LRRN1: variants seen among roughly 807,000 people sequenced by gnomAD.
LRRN1 encodes the protein leucine rich repeat neuronal 1, also known as leucine-rich repeat neuronal protein 1.
Under a neutral mutation model 45.8 loss-of-function variants are expected in LRRN1, and 14 were observed. That is an observed-to-expected ratio of 0.31 (90% CI 0.20 to 0.48). The LOEUF (loss-of-function observed/expected upper bound fraction) is 0.48, where lower values mean the gene tolerates loss of function less well. Among genes scored for constraint, LRRN1 ranks in the 20% least tolerant of loss-of-function variants. The pLI is 0.99. For missense variants in LRRN1, 789 were observed against 874.2 expected, an observed-to-expected ratio of 0.90 and a Z score of 1.23; for synonymous variants, 359 against 330.1, an observed-to-expected ratio of 1.09 and a Z score of -0.95.
chr3:3,849,114 A>G lies in LRRN1; in HGVS notation c.*2322A>G, dbSNP rs1157824365. On this transcript the variant is annotated 3_prime_UTR_variant, in exon 2 of 2. Transcript: ENST00000319331. ...CCATGAAAATGGATGGCACTGATGC[A>G]TTAGACCCTCAGCAGCCTGCAATTG... Among the ~76,000 whole-genome samples the G allele has an allele frequency of 6.6e-6, 1 of 152,234 alleles. No individual in the cohort carries two copies. The highest frequency in any genetic ancestry group is 6.5e-5 in the Admixed American group (1 of 15,278).
chr3:3,805,571 A>G (rs958159272), intron 1 of LRRN1, among the ~76,000 whole-genome samples: 3 of 152,200 alleles, frequency 2.0e-5, no homozygotes, highest in Non-Finnish European at 4.4e-5. Flanking sequence ...TTTCAATATC[A>G]CCAGTGCGAA....
chr3:3,827,515 A>G (rs770812484), intron 1 of LRRN1: 1 of 456,410 alleles, frequency 2.2e-6, no homozygotes, highest in Non-Finnish European at 4.4e-6. Context: ...AAACTCTGTA[A>G]GGCAAGAAGG....
In LRRN1 at chr3:3,845,209, A is replaced by G. The variant is rs995848565; in HGVS notation, c.568A>G (p.Thr190Ala). Residue 190 changes from threonine to alanine, a missense_variant, in exon 2 of 2, where the codon ACA becomes GCA. Physicochemically the swap from Thr to Ala is moderately conservative, Grantham distance 58 (BLOSUM62 0). Coordinates refer to ENST00000319331, the MANE Select transcript of LRRN1 (RefSeq NM_020873.7). This position sits in a 1 kb window ranked among gnomAD's most constrained non-coding sequence, Gnocchi z 6.5. ...KVIDSRWFDS[T>A]PNLEILMIGE... ...TATTGATAGTCGCTGGTTTGATTCT[A>G]CACCCAACCTGGAAATTCTCATGAT... 1 of 1,614,192 alleles carries G rather than the reference A, an allele frequency of 6.2e-7. No individual in the cohort carries two copies. The highest frequency in any genetic ancestry group is 8.5e-7 in the Non-Finnish European group (1 of 1,180,028).
At chr3:3,834,189 A>G (rs1413037844) in intron 1 of LRRN1, among the ~76,000 whole-genome samples, 1 of 152,038 alleles carries the variant, frequency 6.6e-6, no homozygotes, top group Non-Finnish European at 1.5e-5. Context: ...CTTAGGAGCA[A>G]CCAACCAGCT....
chr3:3,834,556 T>G (rs200105184), intron 1 of LRRN1, among the ~76,000 whole-genome samples: 1 of 115,124 alleles, frequency 8.7e-6, no homozygotes, highest in African/African-American at 3.1e-5. Flanking sequence ...ATATATATGA[T>G]ATATATATTA....
intron 1 of LRRN1, chr3:3,801,353 A>C (rs761507322): frequency 6.6e-5 from 10 of 152,236 alleles, no homozygotes; most frequent in Admixed American, 3.9e-4. Context: ...GGATTTTCTA[A>C]AAGACAACAT....
In LRRN1 at chr3:3,848,087, G is replaced by A. The variant is rs1031983515; in HGVS notation, c.*1295G>A. Among the ~76,000 whole-genome samples the A allele has an allele frequency of 4.6e-5, 7 of 152,220 alleles. No individual in the cohort carries two copies. Among genetic ancestry groups the A allele is most frequent in the South Asian group, 2.1e-4 (1 of 4,816 alleles). ...ACATTCTTCATCAAAGTACAAAAAC[G>A]TCTGTGGAGTGTCACAAACTGTATG... On this transcript the variant is annotated 3_prime_UTR_variant, in exon 2 of 2. Transcript: ENST00000319331.
At chr3:3,829,786 A>G (rs543245078) in intron 1 of LRRN1, among the ~76,000 whole-genome samples, 1 of 152,346 alleles carries the variant, frequency 6.6e-6, no homozygotes, top group Admixed American at 6.5e-5. Context: ...CCGTGAGTCC[A>G]CAGATGTTAG....
At chr3:3,822,353 T>C (rs1411180684) in intron 1 of LRRN1, among the ~76,000 whole-genome samples, 3 of 152,214 alleles carry the variant, frequency 2.0e-5, no homozygotes, top group Non-Finnish European at 4.4e-5. Flanking sequence ...GTCTGCAAGG[T>C]TAGAAAATAA....
intron 1 of LRRN1, among the ~76,000 whole-genome samples, chr3:3,834,748 A>G (rs1471416765): frequency 6.6e-6 from 1 of 151,378 alleles, no homozygotes; most frequent in Non-Finnish European, 1.5e-5. Context: ...GTTCGAGGGC[A>G]GGAAGCATCC....
At chr3:3,811,497 T>G (rs1692870600) in intron 1 of LRRN1, among the ~76,000 whole-genome samples, 1 of 152,226 alleles carries the variant, frequency 6.6e-6, no homozygotes. Flanking sequence ...CCGTATCATA[T>G]GTCTATTTCA....
At chr3:3,813,527 G>A (rs1692926001) in intron 1 of LRRN1, among the ~76,000 whole-genome samples, 1 of 151,982 alleles carries the variant, frequency 6.6e-6, no homozygotes, top group African/African-American at 2.4e-5. Flanking sequence ...GTAAATCTTG[G>A]ACTCCCTTGC....
At chr3:3,822,479 G>A (rs1389766201) in intron 1 of LRRN1, among the ~76,000 whole-genome samples, 2 of 152,130 alleles carry the variant, frequency 1.3e-5, no homozygotes, top group Non-Finnish European at 2.9e-5. Context: ...AAATGTTTTG[G>A]TAGATGCCTA....
intron 1 of LRRN1, among the ~76,000 whole-genome samples, chr3:3,843,623 C>T (rs1218835882): frequency 6.6e-6 from 1 of 151,302 alleles, no homozygotes; most frequent in Non-Finnish European, 1.5e-5. Flanking sequence ...TCTGTCCCTG[C>T]AGGTTGTCCT....
intron 1 of LRRN1, among the ~76,000 whole-genome samples, chr3:3,832,023 T>C (rs1423844462): frequency 6.6e-6 from 1 of 152,248 alleles, no homozygotes; most frequent in East Asian, 1.9e-4. Flanking sequence ...GGAGACGTGT[T>C]AATTTGCTCA....
intron 1 of LRRN1, among the ~76,000 whole-genome samples, chr3:3,820,576 C>T (rs2106458094): frequency 6.6e-6 from 1 of 152,320 alleles, no homozygotes; most frequent in South Asian, 2.1e-4. Context: ...TGCTTGCTTC[C>T]ATCCTAAGGG....
At position 3,837,729 on chromosome 3, in the gene LRRN1, AT is replaced by A. The variant is rs77083558; in HGVS notation, c.-278-6624del. On this transcript the variant is annotated intron_variant, in intron 1 of 1. Coordinates refer to ENST00000319331, the MANE Select transcript of LRRN1 (RefSeq NM_020873.7). ...TTTTCTTTTTTTTTAATTAATTTTA[AT>A]TTTTTTTTTTAAAGCTCCAGGGTAC... is the stretch of plus-strand genomic sequence containing the variant. 0.011 allele frequency among the ~76,000 whole-genome samples: 1,686 copies of A among 147,960 alleles called. 57 individuals carry two copies. The East Asian group carries it at 0.13, about 12-fold the overall frequency.
At chr3:3,843,504 A>C (rs1276618921) in intron 1 of LRRN1, among the ~76,000 whole-genome samples, 1 of 128,814 alleles carries the variant, frequency 7.8e-6, no homozygotes, top group Non-Finnish European at 1.5e-5. Flanking sequence ...CCATCACCAC[A>C]ATCTTTAGAA....
chr3:3,843,368 ATCAG>A (rs1166448783), intron 1 of LRRN1, among the ~76,000 whole-genome samples: 14 of 152,348 alleles, frequency 9.2e-5, no homozygotes, highest in African/African-American at 3.1e-4. Flanking sequence ...AAGTCCTTTT[ATCAG>A]TCAGTCAAGA....
Sources: gnomAD v4.1 joint callset for allele counts (sites outside exome capture counted in the v4.1 genomes callset) on GRCh38, gnomAD v4.1.1 for gene constraint, Gnocchi (gnomAD v3.1) non-coding constraint, MANE v1.5 for transcripts, NCBI Gene and HGNC (gene_info 2026-07-23, HGNC 2026-07-21) for gene names.